AKR1E2: variants seen among roughly 807,000 people sequenced by gnomAD.
AKR1E2 encodes aldo-keto reductase family 1 member E2, also known as 1,5-anhydro-D-fructose reductase.
Under a neutral mutation model 41.9 loss-of-function variants are expected in AKR1E2, and 43 were observed. The ratio of observed to expected loss-of-function variants is 1.03; its 90% CI spans 0.80 to 1.32. AKR1E2 has a LOEUF of 1.32. Ranked by LOEUF, AKR1E2 falls within the 40% of genes most tolerant of loss-of-function variation. The pLI, the probability that AKR1E2 is intolerant of heterozygous loss-of-function variation, is 0.00. For synonymous variants in AKR1E2, 121 were observed against 138.9 expected, an observed-to-expected ratio of 0.87 and a Z score of 0.91; for missense variants, 423 against 396.5, an observed-to-expected ratio of 1.07 and a Z score of -0.57.
At chr10:4,853,486 T>C in the AKR1E2 span, among the ~76,000 whole-genome samples, 2 of 150,360 alleles carry the variant, frequency 1.3e-5, no homozygotes, top group African/African-American at 4.9e-5. Flanking sequence ...TCTGAAGAGA[T>C]TGATTCTAAG....
upstream of AKR1E2, among the ~76,000 whole-genome samples, chr10:4,825,459 C>G (rs895289960): frequency 6.6e-6 from 1 of 152,116 alleles, no homozygotes; most frequent in Non-Finnish European, 1.5e-5. Context: ...GGGGGGTGTC[C>G]AGTCCACCCC....
intron 1 of AKR1E2, among the ~76,000 whole-genome samples, chr10:4,829,590 C>CTTT (rs149822902): frequency 6.6e-6 from 1 of 151,398 alleles, no homozygotes; most frequent in Non-Finnish European, 1.5e-5. Context: ...GTGGTTTTCT[C>CTTT]TTTTTTTTGA....
Position 4,844,875 on chromosome 10 carries a change from C to T in AKR1E2, c.838-2273C>T, listed in dbSNP as rs1037881788. ...TCACCCAGTGGATCCCGCACGGGGC[C>T]GCAGGTGAAGGCGCCTGCCAGTCCC... On this transcript the variant is annotated intron_variant, in intron 8 of 9. Coordinates refer to ENST00000298375, the MANE Select transcript of AKR1E2 (RefSeq NM_001040177.3). Among the ~76,000 whole-genome samples the T allele has an allele frequency of 2.6e-5, 4 of 152,236 alleles. No individual in the cohort carries two copies. In the East Asian group the frequency reaches 5.8e-4, roughly 22 times the overall value.
the AKR1E2 span, among the ~76,000 whole-genome samples, chr10:4,865,042 A>G: frequency 2.0e-5 from 3 of 152,230 alleles, no homozygotes; most frequent in Admixed American, 6.5e-5. Context: ...AATATAGATG[A>G]ATATTTGTTA....
At position 4,847,775 on chromosome 10, in the gene AKR1E2, GTCA is replaced by G; in HGVS notation, c.*249_*251del. 1 of 499,362 alleles carries G rather than the reference GTCA, an allele frequency of 2.0e-6. No individual in the cohort carries two copies. 30.9% of individuals were successfully genotyped at this position (499,362 alleles called of 1,614,324 possible). A position where few individuals can be genotyped will look rare whatever the true frequency, so the allele number is the denominator to read the frequency against. On this transcript the variant is annotated 3_prime_UTR_variant, in exon 10 of 10. Transcript: ENST00000298375. ...CTACTCTGAACAAATACACTGATGA[GTCA>G]TCAGTGAAATTTGCCTTCACATTTT...
the AKR1E2 span, among the ~76,000 whole-genome samples, chr10:4,867,081 A>T: frequency 6.6e-6 from 1 of 152,174 alleles, no homozygotes; most frequent in South Asian, 2.1e-4. Flanking sequence ...CTGCTGTGGG[A>T]AAGGGCTGTT....
intron 8 of AKR1E2, among the ~76,000 whole-genome samples, chr10:4,846,531 G>A (rs1041221161): frequency 2.0e-5 from 3 of 151,726 alleles, no homozygotes; most frequent in African/African-American, 7.3e-5. Context: ...GAGTCAGTGG[G>A]AAAAATTCTG....
At chr10:4,841,184 CGAG>C (rs1833842615) in intron 6 of AKR1E2, among the ~76,000 whole-genome samples, 1 of 151,978 alleles carries the variant, frequency 6.6e-6, no homozygotes, top group African/African-American at 2.4e-5. Flanking sequence ...CAGGAGACCT[CGAG>C]GACGATACTA....
At chr10:4,829,602 T>A (rs1337453807) in intron 1 of AKR1E2, among the ~76,000 whole-genome samples, 1 of 152,066 alleles carries the variant, frequency 6.6e-6, no homozygotes, top group Non-Finnish European at 1.5e-5. Flanking sequence ...TTTTTTTGAA[T>A]TCCTTGCATT....
chr10:4,846,433 G>A (rs1588488944), intron 8 of AKR1E2, among the ~76,000 whole-genome samples: 1 of 152,138 alleles, frequency 6.6e-6, no homozygotes. Flanking sequence ...TATGGGTACT[G>A]TTAGAGTTCA....
chr10:4,841,813 G>A lies in AKR1E2; in HGVS notation c.709G>A (p.Val237Met), dbSNP rs375921023. ...GGGGGTTGACCTGATAGACAACCCT[G>A]TGATCAAGAGGATTGCAAAGGAGCA... ...CEGVDLIDNPVIKRIAKEHGK... is the reference protein window; with the variant it reads ...CEGVDLIDNPMIKRIAKEHGK... The change falls in exon 7 of 10, where the codon GTG becomes ATG. Residue 237 changes from valine (V) to methionine (M), a missense_variant. Coordinates refer to ENST00000298375, the MANE Select transcript of AKR1E2 (RefSeq NM_001040177.3). The A allele has an allele frequency of 3.7e-5, 60 of 1,613,204 alleles. No homozygotes were observed. The highest frequency in any genetic ancestry group is 4.8e-5 in the Non-Finnish European group (57 of 1,179,634).
rs1255463254 is a variant in AKR1E2 at position 4,847,179 on chromosome 10, TGGA to T, written c.870_872del (p.Met290_Asp291delinsIle). ...GATTTTGAATTAACACAGCACGATA[TGGA>T]TAACATCCTCAGCCTAAACAGGAAT... On this transcript the variant is annotated inframe_deletion, in exon 9 of 10. Transcript: ENST00000298375. The T allele has an allele frequency of 6.2e-7, 1 of 1,614,232 alleles. No homozygotes were observed. The highest frequency in any genetic ancestry group is 1.7e-5 in the Admixed American group (1 of 60,030).
chr10:4,845,482 T>TG (rs2131569929), intron 8 of AKR1E2, among the ~76,000 whole-genome samples: 1 of 26,352 alleles, frequency 3.8e-5, no homozygotes, highest in African/African-American at 6.2e-5. Flanking sequence ...CACCCCTCAA[T>TG]GGGGGCTGCC....
intron 3 of AKR1E2, 57 bp downstream of exon 3, chr10:4,833,523 A>C: frequency 1.4e-6 from 2 of 1,450,780 alleles, no homozygotes; most frequent in Non-Finnish European, 1.9e-6. Context: ...CCCCGTGCTC[A>C]CACCCTGTCT....
intron 5 of AKR1E2, among the ~76,000 whole-genome samples, chr10:4,837,908 C>G (rs1266037620): frequency 2.6e-5 from 4 of 152,348 alleles, no homozygotes; most frequent in African/African-American, 9.6e-5. Flanking sequence ...TGGGCCTCCC[C>G]TCTACCTCTT....
At chr10:4,860,154 A>G in the AKR1E2 span, among the ~76,000 whole-genome samples, 5 of 152,156 alleles carry the variant, frequency 3.3e-5, no homozygotes, top group Non-Finnish European at 7.3e-5. Flanking sequence ...CTATCCCCCC[A>G]TGTTCCAGGC....
intron 3 of AKR1E2, among the ~76,000 whole-genome samples, chr10:4,834,709 T>C (rs776340264): frequency 5.9e-5 from 9 of 152,356 alleles, no homozygotes; most frequent in Admixed American, 3.9e-4. Flanking sequence ...GGTCAGACAT[T>C]TGTTACACTT....
the AKR1E2 span, among the ~76,000 whole-genome samples, chr10:4,871,700 G>A: frequency 4.0e-5 from 6 of 151,820 alleles, no homozygotes; most frequent in Admixed American, 6.6e-5. Flanking sequence ...TGGCAGTTGT[G>A]GGGGTGGGGT....
At chr10:4,832,404 T>C (rs1425950636) in intron 2 of AKR1E2, among the ~76,000 whole-genome samples, 1 of 152,154 alleles carries the variant, frequency 6.6e-6, no homozygotes, top group African/African-American at 2.4e-5. Context: ...GCAGCCTTGG[T>C]GTGTGCTTGG....
Sources: allele counts gnomAD v4.1 joint callset (sites outside exome capture counted in the v4.1 genomes callset), GRCh38; gene constraint gnomAD v4.1.1; transcripts MANE v1.5; gene names NCBI Gene and HGNC (gene_info 2026-07-23, HGNC 2026-07-21).